ZNF182: variants seen among roughly 807,000 people sequenced by gnomAD.
ZNF182 encodes zinc finger protein 182.
In ZNF182, 10 loss-of-function variants were observed where a neutral mutation model predicts 28.1. That is an observed-to-expected ratio of 0.36 (90% CI 0.22 to 0.60). The LOEUF (loss-of-function observed/expected upper bound fraction) is 0.60. Among genes scored for constraint, ZNF182 ranks in the 20% least tolerant of loss-of-function variants. ZNF182 has a pLI of 0.75. For synonymous variants in ZNF182, 156 were observed against 158.7 expected, an observed-to-expected ratio of 0.98 and a Z score of 0.13; for missense variants, 352 against 453.2, an observed-to-expected ratio of 0.78 and a Z score of 2.03.
At chrX:47,984,847 A>C (rs2058918559) in intron 3 of ZNF182, among the ~76,000 whole-genome samples, 1 of 112,159 alleles carries the variant, frequency 8.9e-6, no homozygotes, top group Non-Finnish European at 1.9e-5. Context: ...TCACCATGGG[A>C]GATAAACAGA....
intron 3 of ZNF182, chrX:47,988,637 C>T: frequency 2.7e-6 from 1 of 365,841 alleles, no homozygotes; most frequent in Non-Finnish European, 4.8e-6. Context: ...AAATAAACCA[C>T]TTTTCTTTAT....
At chrX:47,982,896 A>C in intron 5 of ZNF182, 53 bp downstream of exon 5, 1 of 1,128,873 alleles carries the variant, frequency 8.9e-7, no homozygotes, top group Non-Finnish European at 1.2e-6. Context: ...CTCACCTCTG[A>C]CTAATAGGGT....
At chrX:47,991,489 T>C (rs1211635721) in intron 3 of ZNF182, among the ~76,000 whole-genome samples, 1 of 112,570 alleles carries the variant, frequency 8.9e-6, no homozygotes, top group Admixed American at 9.4e-5. Context: ...ACTCATTTGA[T>C]GAGTATTTGT....
chrX:47,996,559 G>A (rs370647546), intron 3 of ZNF182, among the ~76,000 whole-genome samples: 4 of 112,088 alleles, frequency 3.6e-5, no homozygotes, highest in African/African-American at 1.3e-4. Context: ...TCAATGGACT[G>A]AATGTACCAA....
chrX:47,982,876 G>T, intron 5 of ZNF182, 73 bp downstream of exon 5: 1 of 1,011,715 alleles, frequency 9.9e-7, no homozygotes, highest in Non-Finnish European at 1.4e-6. Flanking sequence ...TGAAAGCCCT[G>T]TCAGAGGGCC....
chrX:47,977,155 G>A lies in ZNF182; in HGVS notation c.875C>T (p.Thr292Ile), dbSNP rs2058887814. ...TTCATAAGGTTTTTCTCCTGTGTGA[G>A]TCCTGTAATGTATGATGACAGTTGA... ...EKSTVIIHYR[T>I]HTGEKPYECN... The change falls in exon 6 of 6, where the codon ACT (threonine) becomes ATT (isoleucine). Residue 292 changes from threonine (T) to isoleucine (I), a missense_variant. Transcript: ENST00000376943. The A allele has an allele frequency of 8.3e-7, 1 of 1,206,183 alleles. No individual in the cohort carries two copies. The highest frequency in any genetic ancestry group is 1.8e-5 in the African/African-American group (1 of 56,995).
In ZNF182 at chrX:47,985,159, G is replaced by T. The variant is rs138167967; in HGVS notation, c.16-1748C>A. 5.8e-3 allele frequency among the ~76,000 whole-genome samples: 646 copies of T among 111,737 alleles called. 7 individuals are homozygous for T. The highest frequency in any genetic ancestry group is 0.02 in the African/African-American group (601 of 30,704). ...TTTATATAGCAACTACATTTTTAAT[G>T]ATCAAAACCTAGAAACATATCAAAG... On this transcript the variant is annotated intron_variant, in intron 3 of 5. Transcript: ENST00000376943.
intron 3 of ZNF182, among the ~76,000 whole-genome samples, chrX:47,990,501 A>G (rs1354712604): frequency 8.9e-6 from 1 of 112,086 alleles, no homozygotes; most frequent in Non-Finnish European, 1.9e-5. Flanking sequence ...GCAGACACAC[A>G]CATACACATA....
intron 4 of ZNF182, 62 bp downstream of exon 4, chrX:47,983,223 A>G: frequency 8.4e-7 from 1 of 1,196,030 alleles, no homozygotes; most frequent in Non-Finnish European, 1.1e-6. Flanking sequence ...TGAGAAAGGA[A>G]ATGCCTTCCA....
At chrX:47,983,465 T>C in intron 3 of ZNF182, 54 bp from the exon 4 acceptor site, 1 of 1,130,219 alleles carries the variant, frequency 8.8e-7, no homozygotes, top group Non-Finnish European at 1.2e-6. Context: ...ATGATGAGGA[T>C]AAAATGCACG....
rs61998248 is a variant in ZNF182, at chrX:47,976,349, G to A, written c.1681C>T (p.Arg561Ter). 6.6e-6 allele frequency: 8 copies of A among 1,205,877 alleles called. No individual in the cohort carries two copies. Among genetic ancestry groups the A allele is most frequent in the South Asian group, 1.8e-5 (1 of 55,762 alleles). The change falls in exon 6 of 6, where the codon CGA becomes TGA. Residue 561 changes from arginine (R) to a stop codon, truncating the protein, a stop_gained. Transcript: ENST00000376943. LOFTEE classifies it high-confidence loss of function. Reference protein sequence around the residue: ...YACTECGKAFREKSTFTVHQR... With the variant: ...YACTECGKAF Reference sequence around the variant, plus strand: ...TGTACAGTGAATGTTGACTTTTCTCGGAAGGCTTTGCCACACTCAGTGCAT... The same window carrying A: ...TGTACAGTGAATGTTGACTTTTCTCAGAAGGCTTTGCCACACTCAGTGCAT...
In ZNF182 at chrX:47,984,228, C is replaced by T. The variant is rs564526927; in HGVS notation, c.16-817G>A. Among the ~76,000 whole-genome samples, 43 of 111,356 alleles carry T rather than the reference C, an allele frequency of 3.9e-4. No individual in the cohort carries two copies. In the South Asian group the frequency reaches 4.5e-3, roughly 12 times the overall value. On this transcript the variant is annotated intron_variant, in intron 3 of 5. Coordinates refer to ENST00000376943, the MANE Select transcript of ZNF182 (RefSeq NM_001007088.2). ...GAAAAATTAAGCCACATTGAGACAC[C>T]ACTATACACCCACAAGAAAGGTTAT...
intron 5 of ZNF182, 109 bp from the exon 6 acceptor site, chrX:47,977,906 A>C (rs1223738259): frequency 1.6e-5 from 12 of 743,422 alleles, no homozygotes; most frequent in Non-Finnish European, 2.2e-5. Context: ...ATTTTATCAG[A>C]GTTCCTGGAG....
intron 3 of ZNF182, among the ~76,000 whole-genome samples, chrX:47,997,846 G>A (rs917477684): frequency 1.3e-4 from 14 of 111,330 alleles, no homozygotes; most frequent in Non-Finnish European, 2.6e-4. Context: ...AAAAGTGTAT[G>A]CATCTAACAA....
chrX:47,982,870 A>G, intron 5 of ZNF182, 79 bp downstream of exon 5: 2 of 950,110 alleles, frequency 2.1e-6, no homozygotes, highest in South Asian at 4.1e-5. Context: ...TATTCCTGAA[A>G]GCCCTGTCAG....
chrX:47,991,201 CA>C (rs2058940349), intron 3 of ZNF182, among the ~76,000 whole-genome samples: 1 of 111,085 alleles, frequency 9.0e-6, no homozygotes, highest in African/African-American at 3.3e-5. Context: ...GAGAAAAAGA[CA>C]CCAGAGGTCC....
intron 3 of ZNF182, among the ~76,000 whole-genome samples, chrX:47,998,476 G>A (rs1024416684): frequency 4.5e-5 from 5 of 112,049 alleles, no homozygotes; most frequent in Admixed American, 9.5e-5. Flanking sequence ...GGTCAAAGAG[G>A]AAGTCTCAAA....
chrX:47,999,667 C>T (rs782794729), intron 3 of ZNF182, among the ~76,000 whole-genome samples: 1 of 111,548 alleles, frequency 9.0e-6, no homozygotes, highest in Admixed American at 9.5e-5. Flanking sequence ...CCATAATTAA[C>T]AACAATTTAG....
At position 47,983,280 on chromosome X, in the gene ZNF182, C is replaced by A. The variant is rs1458763710; in HGVS notation, c.142+5G>T. On this transcript the variant is annotated splice_donor_5th_base_variant and intron_variant, in intron 4 of 5. Transcript: ENST00000376943. Reference sequence around the variant, plus strand: ...TGCAAAATTACCTAAGGAAGCTATTCTTACCCACAAAGACCAAGTTGCTGT... The same window carrying A: ...TGCAAAATTACCTAAGGAAGCTATTATTACCCACAAAGACCAAGTTGCTGT... 2 of 1,209,539 alleles carry A rather than the reference C, an allele frequency of 1.7e-6. No homozygotes were observed. The highest frequency in any genetic ancestry group is 2.2e-5 in the Admixed American group (1 of 45,651).
Sources: allele counts gnomAD v4.1 joint callset (sites outside exome capture counted in the v4.1 genomes callset), GRCh38; gene constraint gnomAD v4.1.1; transcripts MANE v1.5; gene names NCBI Gene and HGNC (gene_info 2026-07-23, HGNC 2026-07-21).